Variants in AGBL1 observed in about 807,000 individuals in gnomAD.
AGBL1 encodes AGBL carboxypeptidase 1.
Under a neutral mutation model 118.9 loss-of-function variants are expected in AGBL1, and 130 were observed. The ratio of observed to expected loss-of-function variants is 1.09; its 90% CI spans 0.95 to 1.26. The LOEUF (loss-of-function observed/expected upper bound fraction) is 1.26. AGBL1 is among the 50% of genes most tolerant of loss of function. The pLI, the probability that AGBL1 is intolerant of heterozygous loss-of-function variation, is 0.00. For missense variants in AGBL1, 1,584 were observed against 1,298.1 expected (o/e 1.22, Z -3.38); for synonymous variants, 555 against 478.9 (o/e 1.16, Z -2.08).
At chr15:86,460,318 C>CG (rs2082316832) in intron 18 of AGBL1, among the ~76,000 whole-genome samples, 1 of 36,598 alleles carries the variant, frequency 2.7e-5, no homozygotes, top group African/African-American at 9.4e-5. Context: ...CCTATCTCTA[C>CG]AAAAAAAAAA....
chr15:86,644,061 T>A (rs1424137681), intron 21 of AGBL1, among the ~76,000 whole-genome samples: 1 of 152,310 alleles, frequency 6.6e-6, no homozygotes, highest in East Asian at 1.9e-4. Context: ...AAATTTAACG[T>A]TTAAGTGGTA....
At chr15:86,286,216 A>G (rs778164085) in intron 16 of AGBL1, among the ~76,000 whole-genome samples, 1 of 151,942 alleles carries the variant, frequency 6.6e-6, no homozygotes, top group Non-Finnish European at 1.5e-5. Context: ...ATAGGGTACA[A>G]TGGGGTGTGT....
Position 87,016,544 on chromosome 15 carries a change from G to A in AGBL1, c.3324-12281G>A, listed in dbSNP as rs550871645. Among the ~76,000 whole-genome samples the A allele has an allele frequency of 7.9e-5, 12 of 152,286 alleles. 1 individual carries two copies. The South Asian group carries it at 1.2e-3, about 16-fold the overall frequency. On this transcript the variant is annotated intron_variant, in intron 24 of 24. Coordinates refer to the AGBL1 transcript ENST00000441037. ...CATTATAAAAGAAAGTCTAGGACTG[G>A]GCCAAGATGGCCAATTAAAAGCAGC...
intron 17 of AGBL1, among the ~76,000 whole-genome samples, chr15:86,308,171 T>G (rs1225836762): frequency 6.6e-6 from 1 of 152,232 alleles, no homozygotes; most frequent in African/African-American, 2.4e-5. Flanking sequence ...GTTACTCATT[T>G]TTCATTGCTC....
chr15:86,221,019 G>A lies in AGBL1; in HGVS notation c.489-3895G>A, dbSNP rs2078272470. On this transcript the variant is annotated intron_variant, in intron 5 of 22. Transcript: ENST00000614907. ...GTTTGAGACCAGCCTAGCCAACATG[G>A]TGAAACCCCGTCTCTACTAAAAATA... Among the ~76,000 whole-genome samples, 3 of 152,096 alleles carry A rather than the reference G, an allele frequency of 2.0e-5. No individual in the cohort carries two copies. In the South Asian group the frequency reaches 6.2e-4, roughly 32 times the overall value.
At chr15:86,192,376 T>A (rs2077737350) in intron 5 of AGBL1, among the ~76,000 whole-genome samples, 1 of 151,130 alleles carries the variant, frequency 6.6e-6, no homozygotes, top group African/African-American at 2.4e-5. Context: ...ATATAAAGTT[T>A]ATAAACTTAT....
At chr15:86,271,540 A>G (rs1238239503) in intron 14 of AGBL1, 79 bp from the exon 15 acceptor site, 3 of 1,064,534 alleles carry the variant, frequency 2.8e-6, no homozygotes, top group Admixed American at 3.4e-5. Context: ...ATTAAGACCT[A>G]TGTGTATGTG....
chr15:86,983,079 T>A (rs1406005051), intron 23 of AGBL1, among the ~76,000 whole-genome samples: 1 of 152,204 alleles, frequency 6.6e-6, no homozygotes, highest in Non-Finnish European at 1.5e-5. Context: ...GTTTTTGTTT[T>A]GTTTTTGTTG....
intron 18 of AGBL1, among the ~76,000 whole-genome samples, chr15:86,438,997 C>A (rs4887461): frequency 6.6e-6 from 1 of 151,702 alleles, no homozygotes; most frequent in African/African-American, 2.4e-5. Context: ...TCTCCCTCCT[C>A]CATTGTCTCC....
chr15:86,250,210 C>G (rs76745697), intron 7 of AGBL1, among the ~76,000 whole-genome samples: 1 of 151,912 alleles, frequency 6.6e-6, no homozygotes, highest in Non-Finnish European at 1.5e-5. Flanking sequence ...CACCACTCGC[C>G]CTTGCTTTTA....
At chr15:86,776,791 A>T (rs1168475996) in intron 22 of AGBL1, among the ~76,000 whole-genome samples, 640 of 123,052 alleles carry the variant, frequency 5.2e-3, no homozygotes, top group Non-Finnish European at 7.4e-3. Context: ...TGTGTGTGTG[A>T]GAGAGAGAGA....
downstream of AGBL1, among the ~76,000 whole-genome samples, chr15:86,919,792 AGAT>A (rs2080466750): frequency 6.6e-6 from 1 of 152,216 alleles, no homozygotes. Context: ...ACCTTGTGCC[AGAT>A]GATATGAGAA....
At chr15:86,861,254 G>C (rs1224794454) in intron 22 of AGBL1, among the ~76,000 whole-genome samples, 1 of 152,150 alleles carries the variant, frequency 6.6e-6, no homozygotes. Flanking sequence ...TCTGGGTGCT[G>C]TGGGGAAAGC....
At chr15:86,956,681 C>T (rs1002266713) in intron 23 of AGBL1, among the ~76,000 whole-genome samples, 2 of 152,108 alleles carry the variant, frequency 1.3e-5, no homozygotes, top group Non-Finnish European at 2.9e-5. Context: ...AGTTTTGCAG[C>T]AACATCAAGG....
At chr15:86,407,128 A>T (rs1340018341) in intron 18 of AGBL1, among the ~76,000 whole-genome samples, 2 of 152,166 alleles carry the variant, frequency 1.3e-5, no homozygotes, top group African/African-American at 2.4e-5. Context: ...ATTTTCTGTC[A>T]ATCTGATTGG....
chr15:86,636,028 C>G (rs747291327), intron 21 of AGBL1, among the ~76,000 whole-genome samples: 1 of 152,102 alleles, frequency 6.6e-6, no homozygotes, highest in Non-Finnish European at 1.5e-5. Flanking sequence ...GTGGGTACCA[C>G]TCACCATGAA....
chr15:86,634,483 T>C (rs1014994824), intron 21 of AGBL1, among the ~76,000 whole-genome samples: 2 of 152,112 alleles, frequency 1.3e-5, no homozygotes, highest in African/African-American at 4.8e-5. Flanking sequence ...CAATTCTATT[T>C]ATAGGAAATG....
In AGBL1 at chr15:86,915,480, C is replaced by T. The variant is rs1461963440; in HGVS notation, c.*8186C>T. 6.6e-6 allele frequency: 1 copy of T among 152,142 alleles called. No homozygotes were observed. The highest frequency in any genetic ancestry group is 2.4e-5 in the African/African-American group (1 of 41,414). The allele number at this position is 152,142 out of a possible 1,614,324, so 9.4% of individuals were successfully genotyped here. Reference sequence around the variant, plus strand: ...CTTACTCTTCTGTTCCCTCTTCTTCCATCCATGTGCCTAGATCTATCCATT... The same window carrying T: ...CTTACTCTTCTGTTCCCTCTTCTTCTATCCATGTGCCTAGATCTATCCATT... On this transcript the variant is annotated 3_prime_UTR_variant, in exon 23 of 23. Transcript: ENST00000614907.
chr15:87,019,511 C>G (rs1474446910), intron 24 of AGBL1, among the ~76,000 whole-genome samples: 1 of 151,994 alleles, frequency 6.6e-6, no homozygotes, highest in African/African-American at 2.4e-5. Context: ...ACAACCTGCT[C>G]CGGAATGATT....
Sources: allele counts gnomAD v4.1 joint callset (sites outside exome capture counted in the v4.1 genomes callset), GRCh38; gene constraint gnomAD v4.1.1; transcripts MANE v1.5; gene names NCBI Gene and HGNC (gene_info 2026-07-23, HGNC 2026-07-21).